Variants in NKAIN3 observed in about 807,000 individuals in gnomAD.
NKAIN3 encodes the protein sodium/potassium-transporting ATPase subunit beta-1-interacting protein 3.
Under a neutral mutation model 30.2 loss-of-function variants are expected in NKAIN3, and 25 were observed. That is an observed-to-expected ratio of 0.83 (90% CI 0.60 to 1.16). The LOEUF (loss-of-function observed/expected upper bound fraction) is 1.16, where lower values mean the gene tolerates loss of function less well. Among genes scored for constraint, NKAIN3 ranks in the 50% most tolerant of loss-of-function variants. The pLI is 0.00. For synonymous variants in NKAIN3, 91 were observed against 89.6 expected, an observed-to-expected ratio of 1.02 and a Z score of -0.09; for missense variants, 225 against 254.1, an observed-to-expected ratio of 0.89 and a Z score of 0.78.
At chr8:62,488,999 A>T (rs1294999255) in intron 1 of NKAIN3, among the ~76,000 whole-genome samples, 1 of 152,168 alleles carries the variant, frequency 6.6e-6, no homozygotes, top group Non-Finnish European at 1.5e-5. Flanking sequence ...AGCTATTATT[A>T]TTCCATTTAT....
At chr8:62,579,440 G>T in intron 1 of NKAIN3, 99 bp from the exon 2 acceptor site, 1 of 849,834 alleles carries the variant, frequency 1.2e-6, no homozygotes, top group Non-Finnish European at 1.7e-6. Context: ...AAGTGTGATT[G>T]AAGTTGAATA....
chr8:62,540,756 TCTC>T lies in NKAIN3; in HGVS notation c.55-38780_55-38778del, dbSNP rs566149676. Reference sequence around the variant, plus strand: ...TGTGTTGTCTTTTTTTAATAAATAATCTCCTATTGTCTAGATCCCATGTCTTTT... The same window carrying T: ...TGTGTTGTCTTTTTTTAATAAATAATCTATTGTCTAGATCCCATGTCTTTT... On this transcript the variant is annotated intron_variant, in intron 1 of 6. Coordinates refer to ENST00000623646, the MANE Select transcript of NKAIN3 (RefSeq NM_001304533.3). 1.8e-3 allele frequency among the ~76,000 whole-genome samples: 278 copies of T among 152,128 alleles called. 1 individual carries two copies. The highest frequency in any genetic ancestry group is 6.4e-3 in the African/African-American group (266 of 41,490).
At chr8:62,879,377 A>C (rs1328649615) in intron 4 of NKAIN3, among the ~76,000 whole-genome samples, 1 of 151,876 alleles carries the variant, frequency 6.6e-6, no homozygotes, top group Admixed American at 6.6e-5. Context: ...TTTTCTTATA[A>C]ATTTGTTTGA....
chr8:62,359,804 G>C (rs1816489014), intron 1 of NKAIN3, among the ~76,000 whole-genome samples: 1 of 152,206 alleles, frequency 6.6e-6, no homozygotes, highest in Non-Finnish European at 1.5e-5. Context: ...GCCTTGTATT[G>C]TCTTAAGGGA....
chr8:62,396,141 A>C (rs1374036176), intron 1 of NKAIN3, among the ~76,000 whole-genome samples: 2 of 152,178 alleles, frequency 1.3e-5, no homozygotes, highest in East Asian at 3.9e-4. Context: ...GTTTAGTGTT[A>C]ATTATGTCTC....
chr8:62,970,100 C>G lies in NKAIN3; in HGVS notation c.*4693C>G, dbSNP rs1217217368. On this transcript the variant is annotated 3_prime_UTR_variant, in exon 7 of 7. Coordinates refer to ENST00000623646, the MANE Select transcript of NKAIN3 (RefSeq NM_001304533.3). ...ATTAGCCAAGCATGGTGGCATGTAC[C>G]TATGACCCCAGCCACTTGAGGGACT... Among the ~76,000 whole-genome samples the G allele has an allele frequency of 2.1e-5, 3 of 144,874 alleles. No individual in the cohort carries two copies. Among genetic ancestry groups the G allele is most frequent in the Non-Finnish European group, 1.5e-5 (1 of 67,074 alleles).
At chr8:62,535,775 G>C (rs1033309987) in intron 1 of NKAIN3, among the ~76,000 whole-genome samples, 5 of 152,018 alleles carry the variant, frequency 3.3e-5, no homozygotes, top group African/African-American at 1.2e-4. Flanking sequence ...GGTTTTTATG[G>C]AAGCCTCATG....
At chr8:62,477,365 G>T (rs200071100) in intron 1 of NKAIN3, among the ~76,000 whole-genome samples, 2 of 152,052 alleles carry the variant, frequency 1.3e-5, no homozygotes, top group Non-Finnish European at 2.9e-5. Context: ...TGTGAAACTG[G>T]TGAATTGGAT....
chr8:62,544,029 T>C (rs985101960), intron 1 of NKAIN3, among the ~76,000 whole-genome samples: 3 of 152,094 alleles, frequency 2.0e-5, no homozygotes, highest in African/African-American at 7.2e-5. Context: ...TGAGACAAGT[T>C]CTCACTCTAT....
chr8:62,274,409 A>G (rs1389891091), intron 1 of NKAIN3, among the ~76,000 whole-genome samples: 1 of 152,106 alleles, frequency 6.6e-6, no homozygotes, highest in East Asian at 1.9e-4. Flanking sequence ...GTGATAATGT[A>G]ACTCTTTGGG....
chr8:62,781,170 C>G (rs756480829), intron 4 of NKAIN3, among the ~76,000 whole-genome samples: 4 of 151,512 alleles, frequency 2.6e-5, no homozygotes, highest in South Asian at 2.1e-4. Flanking sequence ...GAAGGCAATT[C>G]CATTTAAAAT....
At position 62,447,830 on chromosome 8, in the gene NKAIN3, A is replaced by G. The variant is rs183592014; in HGVS notation, c.55-131709A>G. 3.3e-5 allele frequency among the ~76,000 whole-genome samples: 5 copies of G among 152,120 alleles called. No homozygotes were observed. The East Asian group carries it at 7.7e-4, about 23-fold the overall frequency. On this transcript the variant is annotated intron_variant, in intron 1 of 6. Transcript: ENST00000623646. Reference sequence around the variant, plus strand: ...ATTAGTACTTCAAGGCCAAATGGAAATAGAAGAAAGAACCAAGCCCCAACA... The same window carrying G: ...ATTAGTACTTCAAGGCCAAATGGAAGTAGAAGAAAGAACCAAGCCCCAACA...
intron 3 of NKAIN3, among the ~76,000 whole-genome samples, chr8:62,686,775 C>A (rs560583982): frequency 6.6e-6 from 1 of 152,224 alleles, no homozygotes; most frequent in South Asian, 2.1e-4. Flanking sequence ...TAAACACATA[C>A]CCATTACTTC....
At chr8:62,734,599 C>T (rs1815588741) in intron 3 of NKAIN3, among the ~76,000 whole-genome samples, 1 of 152,060 alleles carries the variant, frequency 6.6e-6, no homozygotes, top group African/African-American at 2.4e-5. Context: ...GGAATTTTAC[C>T]TTTTCCTAAA....
chr8:62,816,580 G>T (rs1818688125), intron 4 of NKAIN3, among the ~76,000 whole-genome samples: 1 of 152,102 alleles, frequency 6.6e-6, no homozygotes, highest in Admixed American at 6.6e-5. Context: ...AGCTCCTTCT[G>T]CTCTGGGGGA....
intron 4 of NKAIN3, among the ~76,000 whole-genome samples, chr8:62,761,952 A>G (rs915827732): frequency 1.3e-5 from 2 of 152,182 alleles, no homozygotes; most frequent in Non-Finnish European, 2.9e-5. Flanking sequence ...CCCAAAAAAG[A>G]TGTTATGATT....
At chr8:62,848,545 C>T (rs797001226) in intron 4 of NKAIN3, among the ~76,000 whole-genome samples, 1 of 152,084 alleles carries the variant, frequency 6.6e-6, no homozygotes, top group Admixed American at 6.6e-5. Context: ...GCTGAAGTTG[C>T]TTATCAGCTT....
At chr8:62,543,324 A>G (rs1246441041) in intron 1 of NKAIN3, among the ~76,000 whole-genome samples, 2 of 152,146 alleles carry the variant, frequency 1.3e-5, no homozygotes, top group African/African-American at 2.4e-5. Context: ...TAGATGCCCT[A>G]TAGAGAATTT....
At chr8:62,466,395 G>A (rs1023332093) in intron 1 of NKAIN3, among the ~76,000 whole-genome samples, 11 of 152,038 alleles carry the variant, frequency 7.2e-5, no homozygotes, top group Non-Finnish European at 1.5e-4. Flanking sequence ...TCGTCTCTAA[G>A]ATAGTAATAT....
Sources: gnomAD v4.1 joint callset for allele counts (sites outside exome capture counted in the v4.1 genomes callset) on GRCh38, gnomAD v4.1.1 for gene constraint, MANE v1.5 for transcripts, NCBI Gene and HGNC (gene_info 2026-07-23, HGNC 2026-07-21) for gene names.